Variants in CNBD1 observed in about 807,000 individuals in gnomAD.
The protein encoded by CNBD1 is cyclic nucleotide binding domain containing 1, also known as cyclic nucleotide-binding domain-containing protein 1.
CNBD1 carries 71 observed loss-of-function variants against 54.4 expected under a neutral mutation model. The ratio of observed to expected loss-of-function variants is 1.30; its 90% confidence interval spans 1.08 to 1.59. The LOEUF (loss-of-function observed/expected upper bound fraction) is 1.59, where lower values mean the gene tolerates loss of function less well. Ranked by LOEUF, CNBD1 falls within the 40% of genes most tolerant of loss-of-function variation. The pLI, the probability that CNBD1 is intolerant of heterozygous loss-of-function variation, is 0.00. For synonymous variants in CNBD1, 182 were observed against 170.7 expected (o/e 1.07, Z -0.51); for missense variants, 659 against 518.0 (o/e 1.27, Z -2.64).
chr8:87,224,802 G>T (rs1162207857), intron 5 of CNBD1, among the ~76,000 whole-genome samples: 1 of 150,568 alleles, frequency 6.6e-6, no homozygotes. Flanking sequence ...AGCTTGATGG[G>T]GATGGCATTG....
chr8:87,089,563 G>A lies in CNBD1; in HGVS notation c.432-116430G>A, dbSNP rs190555507. Among the ~76,000 whole-genome samples the A allele has an allele frequency of 7.9e-5, 12 of 152,004 alleles. No individual in the cohort carries two copies. In the East Asian group the frequency reaches 1.7e-3, roughly 22 times the overall value. On this transcript the variant is annotated intron_variant, in intron 4 of 10. Transcript: ENST00000518476. ...GAGACATATTTGAGAAAAGGTGTCC[G>A]TTACTTTAAGGAAGGTTGGAAGACG...
intron 10 of CNBD1, among the ~76,000 whole-genome samples, chr8:87,373,507 C>A (rs898529474): frequency 6.6e-6 from 1 of 151,792 alleles, no homozygotes; most frequent in Non-Finnish European, 1.5e-5. Flanking sequence ...TGATTTTATA[C>A]TCTTGTAATT....
intron 1 of CNBD1, among the ~76,000 whole-genome samples, chr8:86,877,926 T>G (rs1318976235): frequency 1.3e-5 from 2 of 152,174 alleles, no homozygotes; most frequent in African/African-American, 4.8e-5. Context: ...TATATTTTCT[T>G]AAATCTTTGT....
At chr8:86,978,143 T>G (rs1413290085) in intron 4 of CNBD1, among the ~76,000 whole-genome samples, 1 of 152,222 alleles carries the variant, frequency 6.6e-6, no homozygotes, top group Admixed American at 6.5e-5. Flanking sequence ...TCTTGCCATT[T>G]GACCTATGCT....
intron 2 of CNBD1, among the ~76,000 whole-genome samples, chr8:86,899,799 A>G (rs954035096): frequency 2.6e-4 from 40 of 152,138 alleles, no homozygotes; most frequent in African/African-American, 8.9e-4. Context: ...ATTTATATCT[A>G]TCTCTTCCTA....
intron 3 of CNBD1, among the ~76,000 whole-genome samples, chr8:86,908,467 C>T (rs1156803601): frequency 6.6e-6 from 1 of 152,176 alleles, no homozygotes; most frequent in African/African-American, 2.4e-5. Flanking sequence ...TCTGTTAACT[C>T]ACACTCAGGT....
chr8:87,076,619 T>G (rs538479249), intron 4 of CNBD1, among the ~76,000 whole-genome samples: 227 of 152,168 alleles, frequency 1.5e-3, no homozygotes, highest in Admixed American at 3.5e-3. Flanking sequence ...ATTTTTTGTA[T>G]TTTTAGTAGA....
intron 6 of CNBD1, among the ~76,000 whole-genome samples, chr8:87,240,085 C>A (rs1225463046): frequency 6.6e-6 from 1 of 151,506 alleles, no homozygotes; most frequent in East Asian, 1.9e-4. Flanking sequence ...CACACACACA[C>A]ACACACACAC....
At chr8:87,232,755 T>C (rs902295267) in intron 5 of CNBD1, among the ~76,000 whole-genome samples, 12 of 152,232 alleles carry the variant, frequency 7.9e-5, no homozygotes, top group African/African-American at 2.4e-4. Flanking sequence ...CCAAACCAAC[T>C]TGAGTAAAGA....
At chr8:87,138,341 C>T (rs1388854657) in intron 4 of CNBD1, among the ~76,000 whole-genome samples, 1 of 152,164 alleles carries the variant, frequency 6.6e-6, no homozygotes, top group Non-Finnish European at 1.5e-5. Flanking sequence ...AATCTAAGCT[C>T]TCTACCCAGA....
At chr8:86,947,069 T>G (rs1385164280) in intron 4 of CNBD1, among the ~76,000 whole-genome samples, 1 of 152,158 alleles carries the variant, frequency 6.6e-6, no homozygotes, top group Non-Finnish European at 1.5e-5. Context: ...ATTTGGTTGT[T>G]TCTAGTAGAG....
intron 4 of CNBD1, among the ~76,000 whole-genome samples, chr8:87,074,471 A>T (rs1026649245): frequency 6.6e-6 from 1 of 152,134 alleles, no homozygotes. Flanking sequence ...CTGGGGCTGG[A>T]GTATGTAAAA....
At chr8:87,424,682 A>G (rs994699599) in intron 2 of CNBD1, among the ~76,000 whole-genome samples, 2 of 152,192 alleles carry the variant, frequency 1.3e-5, no homozygotes, top group African/African-American at 4.8e-5. Context: ...GTTTCTGCCA[A>G]GAGATCCGCT....
intron 4 of CNBD1, among the ~76,000 whole-genome samples, chr8:87,171,898 A>C (rs1169696262): frequency 6.6e-6 from 1 of 152,030 alleles, no homozygotes; most frequent in Non-Finnish European, 1.5e-5. Flanking sequence ...TGGCCTCCCA[A>C]AGTGCTGGGA....
intron 4 of CNBD1, among the ~76,000 whole-genome samples, chr8:86,976,317 C>T (rs1026637804): frequency 1.5e-4 from 22 of 150,976 alleles, no homozygotes; most frequent in South Asian, 4.2e-4. Flanking sequence ...ACCAATGTCA[C>T]GGAGCTTTCC....
intron 8 of CNBD1, among the ~76,000 whole-genome samples, chr8:87,333,054 G>C (rs551210734): frequency 6.6e-6 from 1 of 152,262 alleles, no homozygotes; most frequent in African/African-American, 2.4e-5. Flanking sequence ...TCCTTGAGCA[G>C]TGGTTTGTAG....
chr8:87,109,540 C>CTTTTTTT (rs35541466), intron 4 of CNBD1, among the ~76,000 whole-genome samples: 20 of 107,952 alleles, frequency 1.9e-4, no homozygotes, highest in Non-Finnish European at 3.5e-4. Context: ...TTCTTTCTTT[C>CTTTTTTT]TTTTTTTTTT....
Position 87,382,723 on chromosome 8 carries a change from A to G in CNBD1, c.*96A>G, listed in dbSNP as rs1811106503. Reference sequence around the variant, plus strand: ...AATACTATCAAACTACCAGCAATGAATTTGGTCTATTGTGACTACATATCC... The same window carrying G: ...AATACTATCAAACTACCAGCAATGAGTTTGGTCTATTGTGACTACATATCC... On this transcript the variant is annotated 3_prime_UTR_variant, in exon 11 of 11. Coordinates refer to ENST00000518476, the MANE Select transcript of CNBD1 (RefSeq NM_173538.3). 4 of 982,226 alleles carry G rather than the reference A, an allele frequency of 4.1e-6. No homozygotes were observed. The highest frequency in any genetic ancestry group is 4.4e-5 in the Admixed American group (2 of 45,648). 60.8% of individuals were successfully genotyped at this position (982,226 alleles called of 1,614,324 possible). A position where few individuals can be genotyped will look rare whatever the true frequency, so the allele number is the denominator to read the frequency against.
Position 87,425,196 on chromosome 8 carries a change from A to G in CNBD1, c.214-3350A>G, listed in dbSNP as rs573738758. 3.2e-3 allele frequency among the ~76,000 whole-genome samples: 483 copies of G among 151,808 alleles called. 2 individuals are homozygous for G. Among genetic ancestry groups the G allele is most frequent in the African/African-American group, 0.011 (452 of 41,386 alleles). The stretch of plus-strand genomic sequence containing the variant: ...TCAGCTCCTTTAAACACTTCTCTGT[A>G]TTGGTTATTCTAGTTATACATTCTT... On this transcript the variant is annotated intron_variant, in intron 2 of 7. Transcript: ENST00000521593.
Sources: gnomAD v4.1 joint callset for allele counts (sites outside exome capture counted in the v4.1 genomes callset) on GRCh38, gnomAD v4.1.1 for gene constraint, MANE v1.5 for transcripts, NCBI Gene and HGNC (gene_info 2026-07-23, HGNC 2026-07-21) for gene names.